STAU2: variants seen among roughly 807,000 people sequenced by gnomAD.
STAU2 encodes the protein double-stranded RNA-binding protein Staufen homolog 2.
STAU2 carries 20 observed loss-of-function variants against 65.9 expected under a neutral mutation model. The observed-to-expected ratio is 0.30, with a 90% CI of 0.21 to 0.44. The LOEUF is 0.44. Ranked by LOEUF, STAU2 falls within the 20% of genes least tolerant of loss-of-function variation. The pLI is 1.00. For missense variants in STAU2, 558 were observed against 683.9 expected (o/e 0.82, Z 2.05); for synonymous variants, 232 against 233.9 (o/e 0.99, Z 0.07).
chr8:73,682,302 G>A (rs1369147717), intron 5 of STAU2, among the ~76,000 whole-genome samples: 11 of 151,580 alleles, frequency 7.3e-5, no homozygotes, highest in African/African-American at 2.4e-4. Context: ...GCATAAAATT[G>A]GACATCAACT....
At chr8:73,467,089 C>A (rs1395646808) in intron 13 of STAU2, among the ~76,000 whole-genome samples, 1 of 152,242 alleles carries the variant, frequency 6.6e-6, no homozygotes, top group Non-Finnish European at 1.5e-5. Flanking sequence ...TCAGCACTTC[C>A]CATAAGTTGA....
chr8:73,669,096 T>C, intron 6 of STAU2: 1 of 702,246 alleles, frequency 1.4e-6, no homozygotes, highest in South Asian at 1.5e-5. Flanking sequence ...CTGTAATCCA[T>C]TCAAGTGTTG....
intron 6 of STAU2, 50 bp from the exon 7 acceptor site, chr8:73,617,501 A>G: frequency 6.6e-7 from 1 of 1,513,950 alleles, no homozygotes. Flanking sequence ...AAACCACTCT[A>G]TAATCATTCA....
At position 73,542,792 on chromosome 8, in the gene STAU2, C is replaced by G. The variant is rs74845132; in HGVS notation, c.1530+9220G>C. On this transcript the variant is annotated intron_variant, in intron 13 of 14. Transcript: ENST00000524300. ...CCATTATACTCTCAATAAAATAAGA[C>G]TGACCATATTAACGTGTACAACCCT... 3.7e-3 allele frequency among the ~76,000 whole-genome samples: 564 copies of G among 152,250 alleles called. 1 individual carries two copies. The highest frequency in any genetic ancestry group is 0.013 in the African/African-American group (540 of 41,554).
intron 13 of STAU2, chr8:73,438,835 A>T (rs1817905281): frequency 4.9e-6 from 2 of 404,910 alleles, no homozygotes; most frequent in African/African-American, 2.1e-5. Context: ...GCAAATTTGC[A>T]ACGTGAGAAG....
intron 3 of STAU2, among the ~76,000 whole-genome samples, chr8:73,722,297 T>C (rs1217525812): frequency 1.3e-5 from 2 of 152,206 alleles, no homozygotes; most frequent in East Asian, 1.9e-4. Flanking sequence ...TTTAAGGAGA[T>C]TTAACTGATA....
intron 4 of STAU2, among the ~76,000 whole-genome samples, chr8:73,704,514 TAC>T (rs1436559704): frequency 1.3e-5 from 2 of 152,198 alleles, no homozygotes; most frequent in African/African-American, 4.8e-5. Context: ...CCTTATCAGT[TAC>T]AGATGCATAC....
chr8:73,713,819 G>A (rs1267454988), intron 3 of STAU2, among the ~76,000 whole-genome samples: 2 of 152,132 alleles, frequency 1.3e-5, no homozygotes, highest in African/African-American at 4.8e-5. Flanking sequence ...TTGCTACTAA[G>A]GTCACAGACT....
At chr8:73,579,028 A>G (rs1809793977) in intron 12 of STAU2, among the ~76,000 whole-genome samples, 1 of 146,170 alleles carries the variant, frequency 6.8e-6, no homozygotes, top group African/African-American at 2.5e-5. Context: ...GGTTCTAAAT[A>G]TAGTACATAG....
intron 12 of STAU2, among the ~76,000 whole-genome samples, chr8:73,556,616 A>G (rs2128946387): frequency 6.6e-6 from 1 of 152,174 alleles, no homozygotes; most frequent in South Asian, 2.1e-4. Context: ...AATTAGCTGG[A>G]CGTAGTGGCA....
intron 13 of STAU2, among the ~76,000 whole-genome samples, chr8:73,474,672 G>C (rs1322950574): frequency 1.3e-5 from 2 of 151,976 alleles, no homozygotes; most frequent in Non-Finnish European, 2.9e-5. Context: ...AAAGTAGGCT[G>C]GTTTGAATTT....
chr8:73,677,614 C>T (rs1039959282), intron 5 of STAU2, among the ~76,000 whole-genome samples: 2 of 152,136 alleles, frequency 1.3e-5, no homozygotes, highest in African/African-American at 4.8e-5. Context: ...GAAGGCACAA[C>T]TAATCTGGTA....
chr8:73,618,321 A>G (rs910758147), intron 6 of STAU2, among the ~76,000 whole-genome samples: 4 of 152,216 alleles, frequency 2.6e-5, no homozygotes, highest in African/African-American at 9.6e-5. Flanking sequence ...GGTGGCCAAG[A>G]GAAGTTTCAT....
intron 13 of STAU2, among the ~76,000 whole-genome samples, chr8:73,470,997 T>C (rs1251192353): frequency 6.6e-6 from 1 of 152,086 alleles, no homozygotes; most frequent in Non-Finnish European, 1.5e-5. Flanking sequence ...TTGCTTTTTA[T>C]GTCTTCTCTT....
chr8:73,597,906 T>C lies in STAU2; in HGVS notation c.1030-2609A>G, dbSNP rs182193986. ...GTTCTACTCAATATTTAAGGAAGAATTATGCTATTCTTTTCATCCAAATTC... is the reference window on the plus strand; with the variant it reads ...GTTCTACTCAATATTTAAGGAAGAACTATGCTATTCTTTTCATCCAAATTC... On this transcript the variant is annotated intron_variant, in intron 10 of 14. Coordinates refer to ENST00000524300, the MANE Select transcript of STAU2 (RefSeq NM_001164380.2). 1.7e-3 allele frequency among the ~76,000 whole-genome samples: 263 copies of C among 152,294 alleles called. 6 individuals carry two copies. The South Asian group carries it at 0.028, about 16-fold the overall frequency.
intron 12 of STAU2, among the ~76,000 whole-genome samples, chr8:73,568,361 T>C (rs1376147977): frequency 1.3e-5 from 2 of 152,208 alleles, no homozygotes; most frequent in African/African-American, 2.4e-5. Flanking sequence ...CCTAACACTT[T>C]GGGAAGCCAA....
intron 4 of STAU2, among the ~76,000 whole-genome samples, chr8:73,689,200 T>A (rs1819155566): frequency 6.6e-6 from 1 of 152,150 alleles, no homozygotes; most frequent in Admixed American, 6.5e-5. Context: ...TTTCATAAAA[T>A]CTAATTCCTT....
chr8:73,427,801 G>A (rs1402734214), intron 13 of STAU2, among the ~76,000 whole-genome samples: 1 of 152,124 alleles, frequency 6.6e-6, no homozygotes, highest in African/African-American at 2.4e-5. Flanking sequence ...CAAGTTCTTT[G>A]TATATTCAAC....
At chr8:73,616,089 C>T (rs1159357202) in intron 7 of STAU2, among the ~76,000 whole-genome samples, 1 of 152,130 alleles carries the variant, frequency 6.6e-6, no homozygotes, top group Non-Finnish European at 1.5e-5. Context: ...TTTTAGAGTT[C>T]TCTACCCACC....
Sources: gnomAD v4.1 joint callset for allele counts (sites outside exome capture counted in the v4.1 genomes callset) on GRCh38, gnomAD v4.1.1 for gene constraint, MANE v1.5 for transcripts, NCBI Gene and HGNC (gene_info 2026-07-23, HGNC 2026-07-21) for gene names.